Variants in FBXW4 observed in about 807,000 individuals in gnomAD.
The protein encoded by FBXW4 is F-box/WD repeat-containing protein 4.
A neutral mutation model predicts 61.8 loss-of-function variants in FBXW4; 40 were observed. The ratio of observed to expected loss-of-function variants is 0.65; its 90% CI spans 0.50 to 0.84. The LOEUF (loss-of-function observed/expected upper bound fraction) is 0.84, where lower values mean the gene tolerates loss of function less well. FBXW4 is among the 40% of genes least tolerant of loss of function. The pLI, the probability that FBXW4 is intolerant of heterozygous loss-of-function variation, is 0.00. For synonymous variants in FBXW4, 311 were observed against 313.8 expected (o/e 0.99, Z 0.10); for missense variants, 672 against 753.8 (o/e 0.89, Z 1.27).
intron 5 of FBXW4, chr10:101,660,075 G>A: frequency 1.0e-6 from 1 of 985,322 alleles, no homozygotes; most frequent in Non-Finnish European, 1.2e-6. Flanking sequence ...TGGCCCAAAG[G>A]AAGGAAGGGC....
chr10:101,616,982 C>T (rs886484730), intron 6 of FBXW4, among the ~76,000 whole-genome samples: 5 of 152,214 alleles, frequency 3.3e-5, no homozygotes, highest in Middle Eastern at 3.2e-3. Flanking sequence ...TTCAGGATGA[C>T]GGGAACAGAG....
chr10:101,694,471 C>T lies in FBXW4; in HGVS notation c.635G>A (p.Trp212Ter). The part of the protein sequence containing the change: ...ALGRLAQVCR[W>*]LRRFTSCDLL... ...ATCGCAGCTGGTGAAGCGCCGCAGCCAGCGGCACACCTGGGCCAGGCGGCC... is the reference window on the plus strand; with the variant it reads ...ATCGCAGCTGGTGAAGCGCCGCAGCTAGCGGCACACCTGGGCCAGGCGGCC... Residue 212 changes from tryptophan (W) to a stop codon, truncating the protein, a stop_gained, in exon 1 of 9, where the codon TGG (tryptophan) becomes TAG (stop). Transcript: ENST00000331272. LOFTEE classifies it high-confidence loss of function. This position sits in a 1 kb window ranked among gnomAD's most constrained non-coding sequence, Gnocchi z 6.0. The T allele has an allele frequency of 1.3e-6, 2 of 1,533,528 alleles. No homozygotes were observed. The highest frequency in any genetic ancestry group is 8.7e-7 in the Non-Finnish European group (1 of 1,151,516). 95.0% of individuals were successfully genotyped at this position (1,533,528 alleles called of 1,614,324 possible).
intron 5 of FBXW4, among the ~76,000 whole-genome samples, chr10:101,660,593 C>T (rs1409653528): frequency 6.6e-6 from 1 of 152,204 alleles, no homozygotes; most frequent in Non-Finnish European, 1.5e-5. Context: ...CATGCTTCCA[C>T]TTTGGGATGT....
intron 5 of FBXW4, among the ~76,000 whole-genome samples, chr10:101,667,241 A>G (rs1267117809): frequency 4.0e-5 from 6 of 151,576 alleles, no homozygotes; most frequent in Non-Finnish European, 2.9e-5. Flanking sequence ...AAAAAAAAAA[A>G]AAAACCAAAC....
At chr10:101,693,080 T>C (rs2064629097) in intron 1 of FBXW4, among the ~76,000 whole-genome samples, 1 of 152,216 alleles carries the variant, frequency 6.6e-6, no homozygotes, top group South Asian at 2.1e-4. Flanking sequence ...GGAATATATT[T>C]ATCCCAGCCA....
chr10:101,616,224 T>C (rs908649780), intron 6 of FBXW4, among the ~76,000 whole-genome samples: 3 of 152,188 alleles, frequency 2.0e-5, no homozygotes, highest in African/African-American at 7.2e-5. Flanking sequence ...CCATCTCTGC[T>C]GCCTAGGGGA....
At chr10:101,662,315 C>T (rs930434054) in intron 5 of FBXW4, among the ~76,000 whole-genome samples, 1 of 152,256 alleles carries the variant, frequency 6.6e-6, no homozygotes. Context: ...TGCTTTCCTT[C>T]CAGACGCTCC....
At chr10:101,690,749 G>C (rs576338417) in intron 1 of FBXW4, among the ~76,000 whole-genome samples, 1 of 152,124 alleles carries the variant, frequency 6.6e-6, no homozygotes, top group South Asian at 2.1e-4. Flanking sequence ...TCTTCGTCCC[G>C]GAGTGCAGGC....
intron 1 of FBXW4, among the ~76,000 whole-genome samples, chr10:101,692,812 T>A (rs1039509926): frequency 7.3e-5 from 11 of 150,424 alleles, no homozygotes; most frequent in African/African-American, 2.4e-4. Context: ...TTATCAGGTC[T>A]GTGGAGGAAT....
In FBXW4 at chr10:101,611,192, A is replaced by G; in HGVS notation, c.*99T>C. 2 of 1,473,074 alleles carry G rather than the reference A, an allele frequency of 1.4e-6. No individual in the cohort carries two copies. Among genetic ancestry groups the G allele is most frequent in the Non-Finnish European group, 1.8e-6 (2 of 1,086,264 alleles). 91.3% of individuals were successfully genotyped at this position (1,473,074 alleles called of 1,614,324 possible). A position where few individuals can be genotyped will look rare whatever the true frequency, so the allele number is the denominator to read the frequency against. ...ACTGGGGTCACAGGCCCAGGAGCAC[A>G]GTGGGGCAGTGAGGAGGAGCTATCA... On this transcript the variant is annotated 3_prime_UTR_variant, in exon 9 of 9. Transcript: ENST00000331272. This position sits in a 1 kb window ranked among gnomAD's most constrained non-coding sequence, Gnocchi z 4.9.
At chr10:101,692,259 T>C (rs778369101) in intron 1 of FBXW4, among the ~76,000 whole-genome samples, 18 of 151,394 alleles carry the variant, frequency 1.2e-4, no homozygotes, top group African/African-American at 2.2e-4. Flanking sequence ...AGTTCAGATA[T>C]AGATCCAATA....
At chr10:101,665,529 C>T (rs542268223) in intron 5 of FBXW4, among the ~76,000 whole-genome samples, 8 of 152,252 alleles carry the variant, frequency 5.3e-5, no homozygotes, top group African/African-American at 1.9e-4. Flanking sequence ...AAAGATGAGA[C>T]ACATCGAGAC....
At chr10:101,673,425 C>G in intron 3 of FBXW4, 63 bp downstream of exon 3, 2 of 1,570,470 alleles carry the variant, frequency 1.3e-6, no homozygotes, top group Non-Finnish European at 1.7e-6. Flanking sequence ...AAGTCAGAGG[C>G]AGGCAGAATG....
At chr10:101,677,781 C>T (rs1589777741) in intron 1 of FBXW4, among the ~76,000 whole-genome samples, 1 of 150,212 alleles carries the variant, frequency 6.7e-6, no homozygotes, top group Non-Finnish European at 1.5e-5. Flanking sequence ...ATAAGACTCC[C>T]TCTCTAAAAA....
chr10:101,633,836 C>A (rs1045565010), intron 5 of FBXW4, among the ~76,000 whole-genome samples: 4 of 152,066 alleles, frequency 2.6e-5, no homozygotes, highest in African/African-American at 9.7e-5. Context: ...CCAGGCTGGG[C>A]GTGGTGGCTT....
rs1237009547 is a variant in FBXW4 at position 101,694,621 on chromosome 10, TC to T, written c.484del (p.Glu162ArgfsTer65). The T allele has an allele frequency of 7.0e-7, 1 of 1,429,424 alleles. No individual in the cohort carries two copies. The highest frequency in any genetic ancestry group is 1.5e-5 in the South Asian group (1 of 67,756). The allele number at this position is 1,429,424 out of a possible 1,614,324, so 88.5% of individuals were successfully genotyped here. On this transcript the variant is annotated frameshift_variant, in exon 1 of 9. Transcript: ENST00000331272. LOFTEE classifies it high-confidence loss of function. The surrounding 1 kb of genome is among the most constrained non-coding windows in gnomAD (Gnocchi z 6.0). ...AGCCGCCTCCTCCTCCTCCTCCTCC[TC>T]CCCGGCCGCCGCCGCCATGGCCACC... ...TGVAMAAAAG[E>X]EEEEEEAARE... is the part of the protein sequence containing the mutation.
At chr10:101,673,837 T>A (rs1264087319) in intron 2 of FBXW4, among the ~76,000 whole-genome samples, 164 bp from the exon 3 acceptor site, 1 of 152,222 alleles carries the variant, frequency 6.6e-6, no homozygotes, top group African/African-American at 2.4e-5. Flanking sequence ...CCATCAGCTA[T>A]CCTCAGAAAA....
At chr10:101,671,951 C>A (rs928729244) in intron 4 of FBXW4, among the ~76,000 whole-genome samples, 2 of 152,136 alleles carry the variant, frequency 1.3e-5, no homozygotes, top group African/African-American at 4.8e-5. Context: ...TTTAGCCCTT[C>A]TTTTTACATA....
chr10:101,692,214 G>A (rs1164860893), intron 1 of FBXW4, among the ~76,000 whole-genome samples: 2 of 151,570 alleles, frequency 1.3e-5, no homozygotes, highest in African/African-American at 4.8e-5. Context: ...AAATAGTATG[G>A]AAATGGAAAA....
Sources: allele counts gnomAD v4.1 joint callset (sites outside exome capture counted in the v4.1 genomes callset), GRCh38; gene constraint gnomAD v4.1.1; non-coding constraint Gnocchi (gnomAD v3.1); transcripts MANE v1.5; gene names NCBI Gene and HGNC (gene_info 2026-07-23, HGNC 2026-07-21).